Variants in BEND6 observed in about 807,000 individuals in gnomAD.
The protein encoded by BEND6 is BEN domain containing 6, also known as BEN domain-containing protein 6.
A neutral mutation model predicts 31.8 loss-of-function variants in BEND6; 24 were observed. The ratio of observed to expected loss-of-function variants is 0.75; its 90% confidence interval spans 0.55 to 1.06. The LOEUF (loss-of-function observed/expected upper bound fraction) is 1.06. Among genes scored for constraint, BEND6 ranks in the 50% least tolerant of loss-of-function variants. BEND6 has a pLI of 0.00. For synonymous variants in BEND6, 109 were observed against 114.6 expected (o/e 0.95, Z 0.31); for missense variants, 294 against 327.4 (o/e 0.90, Z 0.79).
intron 6 of BEND6, among the ~76,000 whole-genome samples, chr6:57,020,699 G>A (rs1184638358): frequency 6.6e-6 from 1 of 152,100 alleles, no homozygotes; most frequent in Admixed American, 6.6e-5. Context: ...TGGGATTACA[G>A]GCGTGAGCCA....
chr6:56,976,907 A>C (rs1825897277), intron 1 of BEND6, among the ~76,000 whole-genome samples: 1 of 152,218 alleles, frequency 6.6e-6, no homozygotes, highest in South Asian at 2.1e-4. Flanking sequence ...TGCTGAAAGA[A>C]TATCATATAT....
intron 4 of BEND6, among the ~76,000 whole-genome samples, 164 bp from the exon 5 acceptor site, chr6:57,017,043 A>G (rs1827587969): frequency 6.6e-6 from 1 of 151,540 alleles, no homozygotes; most frequent in Admixed American, 6.6e-5. Context: ...GACATGTAAA[A>G]TATATATTAA....
intron 3 of BEND6, among the ~76,000 whole-genome samples, chr6:56,992,976 G>A (rs1032039310): frequency 2.0e-5 from 3 of 152,136 alleles, no homozygotes; most frequent in African/African-American, 7.2e-5. Context: ...GATTCTTCAT[G>A]AAATCACTGG....
chr6:56,983,540 TGTAA>T (rs1365051201), intron 2 of BEND6, among the ~76,000 whole-genome samples: 2 of 152,174 alleles, frequency 1.3e-5, no homozygotes, highest in Non-Finnish European at 2.9e-5. Context: ...AGATTCCAGA[TGTAA>T]GTGAGATCAT....
intron 2 of BEND6, among the ~76,000 whole-genome samples, chr6:56,991,583 C>T (rs1024170329): frequency 2.0e-5 from 3 of 151,960 alleles, no homozygotes; most frequent in Non-Finnish European, 4.4e-5. Context: ...GCTGTCTTGA[C>T]CCCCTGGGCT....
At chr6:56,995,235 A>G (rs911647983) in intron 3 of BEND6, among the ~76,000 whole-genome samples, 4 of 151,722 alleles carry the variant, frequency 2.6e-5, no homozygotes, top group African/African-American at 9.7e-5. Context: ...AAAAAAAAAA[A>G]CAAAAACCTC....
rs73455812 is a variant in BEND6 at position 57,003,812 on chromosome 6, C to T, written c.298+11257C>T. On this transcript the variant is annotated intron_variant, in intron 3 of 6. Transcript: ENST00000370746. ...TACTAGCAATTCAAATCAAACAGCA[C>T]ATCAAAAAGTTAATTCACCACTATC... Among the ~76,000 whole-genome samples the T allele has an allele frequency of 2.0e-3, 298 of 152,256 alleles. 2 individuals carry two copies. The highest frequency in any genetic ancestry group is 7.1e-3 in the African/African-American group (295 of 41,562).
intron 3 of BEND6, among the ~76,000 whole-genome samples, chr6:56,995,405 A>T (rs1226934460): frequency 6.6e-6 from 1 of 151,910 alleles, no homozygotes; most frequent in Non-Finnish European, 1.5e-5. Context: ...GTAATTTCTC[A>T]TCTCATGATC....
chr6:57,015,783 C>G (rs1827537286), intron 4 of BEND6, among the ~76,000 whole-genome samples: 1 of 149,692 alleles, frequency 6.7e-6, no homozygotes, highest in Non-Finnish European at 1.5e-5. Context: ...TGCACTCCAG[C>G]CTGGGCGACA....
At chr6:56,974,606 C>A (rs1308840512) in intron 1 of BEND6, among the ~76,000 whole-genome samples, 1 of 152,142 alleles carries the variant, frequency 6.6e-6, no homozygotes, top group East Asian at 1.9e-4. Flanking sequence ...GGGACAACTT[C>A]ATTGCTTTAA....
At chr6:56,985,019 T>C (rs989195277) in intron 2 of BEND6, among the ~76,000 whole-genome samples, 2 of 152,248 alleles carry the variant, frequency 1.3e-5, no homozygotes, top group Admixed American at 6.5e-5. Flanking sequence ...GCTTGCACAC[T>C]GACCAGCACT....
At chr6:56,993,667 C>T (rs764987808) in intron 3 of BEND6, among the ~76,000 whole-genome samples, 8 of 152,112 alleles carry the variant, frequency 5.3e-5, no homozygotes, top group Non-Finnish European at 1.2e-4. Context: ...ATTGACAAGG[C>T]ATTACCTCTT....
intron 2 of BEND6, among the ~76,000 whole-genome samples, chr6:56,990,030 A>G (rs765963841): frequency 6.6e-6 from 1 of 152,014 alleles, no homozygotes; most frequent in Non-Finnish European, 1.5e-5. Context: ...TTTGTTTTTG[A>G]TGTTTAAATT....
intron 3 of BEND6, among the ~76,000 whole-genome samples, chr6:56,998,037 A>G (rs1252283896): frequency 6.6e-6 from 1 of 152,146 alleles, no homozygotes; most frequent in East Asian, 1.9e-4. Context: ...ACTAAATTAT[A>G]TAATATGTTG....
chr6:57,013,221 C>G (rs1351079987), intron 3 of BEND6, among the ~76,000 whole-genome samples: 1 of 152,130 alleles, frequency 6.6e-6, no homozygotes, highest in African/African-American at 2.4e-5. Context: ...CCAAAACCAC[C>G]CTCATATTCA....
intron 3 of BEND6, among the ~76,000 whole-genome samples, chr6:57,011,334 C>T (rs925894413): frequency 1.3e-5 from 2 of 152,080 alleles, no homozygotes; most frequent in Admixed American, 6.6e-5. Context: ...GCATTTATAC[C>T]TCTTAATGCT....
At chr6:57,004,500 C>T (rs934448589) in intron 3 of BEND6, 18 of 688,272 alleles carry the variant, frequency 2.6e-5, no homozygotes, top group Non-Finnish European at 4.8e-5. Flanking sequence ...AGGCCTCTGC[C>T]GCTCCAGCTC....
intron 2 of BEND6, among the ~76,000 whole-genome samples, chr6:56,987,820 AC>A (rs1426896905): frequency 6.6e-6 from 1 of 151,976 alleles, no homozygotes; most frequent in Non-Finnish European, 1.5e-5. Flanking sequence ...TCCACTCTGT[AC>A]TCCAATTTTC....
chr6:57,021,481 A>G (rs947459636), intron 6 of BEND6, among the ~76,000 whole-genome samples: 3 of 152,064 alleles, frequency 2.0e-5, no homozygotes, highest in African/African-American at 7.2e-5. Context: ...AAGGGTAACA[A>G]TTTCCCAGCT....
Sources: allele counts gnomAD v4.1 joint callset (sites outside exome capture counted in the v4.1 genomes callset), GRCh38; gene constraint gnomAD v4.1.1; transcripts MANE v1.5; gene names NCBI Gene and HGNC (gene_info 2026-07-23, HGNC 2026-07-21).